The following CHID1 variants were observed in gnomAD, a reference collection of about 807,000 sequenced individuals.
CHID1 encodes chitinase domain containing 1.
CHID1 carries 44 observed loss-of-function variants against 55.4 expected under a neutral mutation model. The ratio of observed to expected loss-of-function variants is 0.79; its 90% confidence interval spans 0.62 to 1.02. CHID1 has a LOEUF of 1.02. Among genes scored for constraint, CHID1 ranks in the 50% least tolerant of loss-of-function variants. The probability of loss-of-function intolerance (pLI) is 0.00; values close to 1 mark genes in which losing one functional copy is unlikely to be tolerated. For missense variants in CHID1, 491 were observed against 515.3 expected (o/e 0.95, Z 0.46); for synonymous variants, 216 against 212.9 (o/e 1.01, Z -0.13).
upstream of CHID1, chr11:911,058 C>A (rs1852655386): frequency 6.5e-6 from 1 of 152,888 alleles, no homozygotes; most frequent in East Asian, 1.9e-4. Context: ...GGTTCCCGGC[C>A]CAGGGGTAGC....
Position 870,006 on chromosome 11 carries a change from A to G in CHID1, c.1084-50T>C, listed in dbSNP as rs770193297. ...ACCTGCTGGGGCCTGTCCCCCCAAC[A>G]CCCAGGGATGTCCTCCAGGCCGAGG... is the stretch of plus-strand genomic sequence containing the variant. On this transcript the variant is annotated intron_variant, in intron 12 of 12. Transcript: ENST00000323578. 1.2e-5 allele frequency: 19 copies of G among 1,606,046 alleles called. 1 individual carries two copies. The East Asian group carries it at 4.2e-4, about 36-fold the overall frequency.
At chr11:887,733 A>C (rs1291111289) in intron 8 of CHID1, among the ~76,000 whole-genome samples, 1 of 152,012 alleles carries the variant, frequency 6.6e-6, no homozygotes, top group Non-Finnish European at 1.5e-5. Flanking sequence ...ACACGCTGCT[A>C]TCAGACATGT....
At chr11:870,524 G>A (rs10466744) in intron 10 of CHID1, 25 bp from the exon 11 acceptor site, 330,931 of 1,560,738 alleles carry the variant, frequency 0.21, 37,587 homozygotes, top group East Asian at 0.48. Context: ...ATATGGATTT[G>A]GGAGCCCACC....
At chr11:902,428 G>A (rs1039771790) in intron 3 of CHID1, 98 bp from the exon 4 acceptor site, 2 of 1,398,932 alleles carry the variant, frequency 1.4e-6, no homozygotes, top group South Asian at 2.6e-5. Context: ...GCCCAGGGCT[G>A]GCCAGCGTAG....
intron 10 of CHID1, among the ~76,000 whole-genome samples, chr11:878,903 G>A (rs1331534194): frequency 6.6e-6 from 1 of 151,904 alleles, no homozygotes; most frequent in African/African-American, 2.4e-5. Flanking sequence ...CTGGAGTGCA[G>A]TGGTGCGATC....
chr11:876,220 G>C (rs937469649), intron 10 of CHID1, among the ~76,000 whole-genome samples: 1 of 152,174 alleles, frequency 6.6e-6, no homozygotes, highest in Non-Finnish European at 1.5e-5. Context: ...GAACAGATAG[G>C]GAGGACCCAC....
chr11:902,320 T>C lies in CHID1; in HGVS notation c.272A>G (p.His91Arg). The C allele has an allele frequency of 6.2e-7, 1 of 1,611,348 alleles. No individual in the cohort carries two copies. The highest frequency in any genetic ancestry group is 8.5e-7 in the Non-Finnish European group (1 of 1,177,662). ...VLGYVTPWNS[H>R]GYDVTKVFGS... ...AAAGACCTTGGTGACATCGTAGCCA[T>C]GGCTGTTCCACTGGCAAAAGATGGA... is the stretch of plus-strand genomic sequence containing the variant. Residue 91 changes from histidine to arginine, a missense_variant, in exon 4 of 13, where the codon CAT becomes CGT. Transcript: ENST00000323578.
Position 869,774 on chromosome 11 carries a change from G to A in CHID1, c.*84C>T. ...TGCAGCAGACCCGTCACAGCAAACG[G>A]AGTGGAGGCCTGTATTTCACACCTG... On this transcript the variant is annotated 3_prime_UTR_variant, in exon 13 of 13. Coordinates refer to ENST00000323578, the MANE Select transcript of CHID1 (RefSeq NM_023947.4). The A allele has an allele frequency of 8.2e-7, 1 of 1,225,260 alleles. No homozygotes were observed. The highest frequency in any genetic ancestry group is 2.3e-5 in the East Asian group (1 of 42,932). 75.9% of individuals were successfully genotyped at this position (1,225,260 alleles called of 1,614,324 possible).
chr11:905,522 T>C (rs1188159271), intron 1 of CHID1, among the ~76,000 whole-genome samples: 4 of 151,998 alleles, frequency 2.6e-5, no homozygotes, highest in African/African-American at 4.8e-5. Flanking sequence ...ATATAAAAAT[T>C]AGCCAGGTGT....
At chr11:900,894 T>G (rs28454252) in intron 5 of CHID1, 42 bp downstream of exon 5, 1,573,098 of 1,576,454 alleles carry the variant, frequency 1, 784,937 homozygotes, top group East Asian at 1. Context: ...ACCCCCGCAG[T>G]TTGAGCCATC....
upstream of CHID1, chr11:911,008 C>A (rs1208405490): frequency 6.2e-6 from 1 of 161,012 alleles, no homozygotes; most frequent in Non-Finnish European, 1.3e-5. Context: ...GGCGCGTTCA[C>A]CTTGAGCGCC....
At position 869,727 on chromosome 11, in the gene CHID1, C is replaced by T; in HGVS notation, c.*131G>A. On this transcript the variant is annotated 3_prime_UTR_variant, in exon 13 of 13. Transcript: ENST00000323578. ...TGGGAGGATGGGGAGTCACATGGTG[C>T]CCAGGACCCCCGACTGAGGACTGCA... 1 of 783,468 alleles carries T rather than the reference C, an allele frequency of 1.3e-6. No homozygotes were observed. The highest frequency in any genetic ancestry group is 2.2e-6 in the Non-Finnish European group (1 of 464,592). The allele number at this position is 783,468 out of a possible 1,614,324, so 48.5% of individuals were successfully genotyped here.
At chr11:902,171 G>A (rs1851867935) in intron 4 of CHID1, 27 bp downstream of exon 4, 3 of 1,612,342 alleles carry the variant, frequency 1.9e-6, no homozygotes, top group South Asian at 2.2e-5. Flanking sequence ...TGTGGGGCAA[G>A]CACAGTCAAG....
rs758595900 is a variant in CHID1 at position 903,128 on chromosome 11, G to A, written c.112-17C>T. 1.2e-6 allele frequency: 2 copies of A among 1,604,014 alleles called. No individual in the cohort carries two copies. The highest frequency in any genetic ancestry group is 8.5e-7 in the Non-Finnish European group (1 of 1,179,732). On this transcript the variant is annotated splice_polypyrimidine_tract_variant and intron_variant, in intron 2 of 12. Transcript: ENST00000323578. ...AAACTGACTCTGAAATAAAAGGAGT[G>A]AGAGAAAAGCCTCAGTCATCTGTCC...
intron 7 of CHID1, among the ~76,000 whole-genome samples, chr11:898,471 C>T (rs1430279982): frequency 1.3e-5 from 2 of 152,236 alleles, no homozygotes; most frequent in East Asian, 1.9e-4. Flanking sequence ...CATCCTCGCT[C>T]GTTGCAACCA....
chr11:894,121 C>CAAAAAAA (rs58548115), intron 7 of CHID1, among the ~76,000 whole-genome samples: 14 of 58,066 alleles, frequency 2.4e-4, no homozygotes, highest in African/African-American at 8.2e-4. Flanking sequence ...GACTCTGTCT[C>CAAAAAAA]AAAAAAAAAA....
intron 10 of CHID1, among the ~76,000 whole-genome samples, chr11:879,154 C>A (rs561043205): frequency 5.7e-4 from 87 of 152,312 alleles, no homozygotes; most frequent in African/African-American, 2.1e-3. Flanking sequence ...TCACACCTGA[C>A]TAATTTTTTG....
rs564727397 is a variant in CHID1, at chr11:878,686, G to A, written c.959+4462C>T. Among the ~76,000 whole-genome samples, 14 of 152,072 alleles carry A rather than the reference G, an allele frequency of 9.2e-5. No individual in the cohort carries two copies. In the South Asian group the frequency reaches 2.9e-3, roughly 32 times the overall value. ...GCCTCAGAGTAGCACTATATTTGAA[G>A]AAATAGTCTTTTTTATTCTTTTTTT... On this transcript the variant is annotated intron_variant, in intron 10 of 12. Coordinates refer to ENST00000323578, the MANE Select transcript of CHID1 (RefSeq NM_023947.4).
chr11:876,823 G>A (rs186968599), intron 10 of CHID1, among the ~76,000 whole-genome samples: 2 of 152,230 alleles, frequency 1.3e-5, no homozygotes, highest in African/African-American at 2.4e-5. Flanking sequence ...CCTGGCCAAG[G>A]TCTCTAGGCA....
Sources: allele counts gnomAD v4.1 joint callset (sites outside exome capture counted in the v4.1 genomes callset), GRCh38; gene constraint gnomAD v4.1.1; transcripts MANE v1.5; gene names NCBI Gene and HGNC (gene_info 2026-07-23, HGNC 2026-07-21).